The following SLC2A13 variants were observed in gnomAD, a reference collection of about 807,000 sequenced individuals.
SLC2A13 encodes the protein solute carrier family 2 member 13.
A neutral mutation model predicts 64.4 loss-of-function variants in SLC2A13; 32 were observed. The ratio of observed to expected loss-of-function variants is 0.50; its 90% CI spans 0.37 to 0.67. SLC2A13 has a LOEUF of 0.67. Ranked by LOEUF, SLC2A13 falls within the 30% of genes least tolerant of loss-of-function variation. The pLI is 0.00. For synonymous variants in SLC2A13, 338 were observed against 327.1 expected, an observed-to-expected ratio of 1.03 and a Z score of -0.36; for missense variants, 743 against 829.2, an observed-to-expected ratio of 0.90 and a Z score of 1.28.
intron 4 of SLC2A13, among the ~76,000 whole-genome samples, chr12:39,899,427 A>C (rs2136011395): frequency 6.6e-6 from 1 of 152,198 alleles, no homozygotes; most frequent in Middle Eastern, 3.4e-3. Flanking sequence ...CTTTCAAAAA[A>C]CCAGCTCCTG....
intron 6 of SLC2A13, among the ~76,000 whole-genome samples, chr12:39,849,238 T>C (rs1175974888): frequency 6.6e-6 from 1 of 152,050 alleles, no homozygotes; most frequent in Non-Finnish European, 1.5e-5. Context: ...AGTATCTGTA[T>C]ATATATGATT....
intron 1 of SLC2A13, among the ~76,000 whole-genome samples, chr12:40,075,287 A>G (rs1250046835): frequency 6.6e-6 from 1 of 152,106 alleles, no homozygotes; most frequent in Non-Finnish European, 1.5e-5. Flanking sequence ...ATCTCTAGCA[A>G]TTTGTCAACT....
intron 3 of SLC2A13, among the ~76,000 whole-genome samples, chr12:40,001,852 T>C (rs1282386682): frequency 6.6e-6 from 1 of 152,256 alleles, no homozygotes; most frequent in Non-Finnish European, 1.5e-5. Flanking sequence ...AATGAAAATT[T>C]TAGAAGCAGC....
intron 4 of SLC2A13, among the ~76,000 whole-genome samples, chr12:39,878,655 T>A (rs11174104): frequency 0.3 from 45,916 of 152,142 alleles, 7,535 homozygotes; most frequent in South Asian, 0.37. Flanking sequence ...AGAAAAGGAA[T>A]TACTTAAAGT....
intron 3 of SLC2A13, among the ~76,000 whole-genome samples, chr12:40,000,424 T>G (rs1947304274): frequency 6.6e-6 from 1 of 152,198 alleles, no homozygotes; most frequent in African/African-American, 2.4e-5. Flanking sequence ...ATCAGGTCTT[T>G]TAAGGTGCTT....
In SLC2A13 at chr12:39,888,372, A is replaced by G. The variant is rs1206019520; in HGVS notation, c.1035-16411T>C. 3.3e-5 allele frequency among the ~76,000 whole-genome samples: 5 copies of G among 152,142 alleles called. No individual in the cohort carries two copies. In the East Asian group the frequency reaches 9.6e-4, roughly 29 times the overall value. On this transcript the variant is annotated intron_variant, in intron 4 of 9. Coordinates refer to ENST00000280871, the MANE Select transcript of SLC2A13 (RefSeq NM_052885.4). Reference sequence around the variant, plus strand: ...CCCGAGCAGCTGGGACTACAGGTGCATGGCACCACACCCAGCTAATTTTTG... The same window carrying G: ...CCCGAGCAGCTGGGACTACAGGTGCGTGGCACCACACCCAGCTAATTTTTG...
intron 4 of SLC2A13, among the ~76,000 whole-genome samples, chr12:39,873,274 A>T (rs1476075028): frequency 6.6e-6 from 1 of 152,216 alleles, no homozygotes; most frequent in African/African-American, 2.4e-5. Context: ...AAAAAGAGAA[A>T]TTCCCAGTGG....
intron 2 of SLC2A13, 69 bp from the exon 3 acceptor site, chr12:40,028,578 T>C: frequency 2.7e-6 from 4 of 1,460,204 alleles, no homozygotes; most frequent in Non-Finnish European, 3.8e-6. Flanking sequence ...CCACATACTT[T>C]TGTGTTGTGT....
At chr12:40,085,216 TTATC>T (rs1333010980) in intron 1 of SLC2A13, among the ~76,000 whole-genome samples, 2 of 152,182 alleles carry the variant, frequency 1.3e-5, no homozygotes, top group African/African-American at 4.8e-5. Context: ...ATGTATCTCT[TTATC>T]TGTTTGTATC....
intron 6 of SLC2A13, among the ~76,000 whole-genome samples, chr12:39,846,956 C>T (rs1592199826): frequency 6.6e-6 from 1 of 152,268 alleles, no homozygotes; most frequent in East Asian, 1.9e-4. Flanking sequence ...TCAGATCACT[C>T]ATTTTGAACA....
At chr12:39,906,759 G>C (rs1361934693) in intron 4 of SLC2A13, among the ~76,000 whole-genome samples, 2 of 152,016 alleles carry the variant, frequency 1.3e-5, no homozygotes, top group African/African-American at 4.8e-5. Flanking sequence ...AAATGTGGGG[G>C]ATTCATAGGT....
At chr12:39,879,972 T>C (rs1944299084) in intron 4 of SLC2A13, among the ~76,000 whole-genome samples, 2 of 152,064 alleles carry the variant, frequency 1.3e-5, no homozygotes, top group South Asian at 4.2e-4. Context: ...CCTTCATGGT[T>C]TGGTCCTGTC....
intron 1 of SLC2A13, among the ~76,000 whole-genome samples, chr12:40,099,437 C>G (rs1939073850): frequency 6.6e-6 from 1 of 152,184 alleles, no homozygotes; most frequent in African/African-American, 2.4e-5. Context: ...CTTGCTATTT[C>G]AGTTCTCTTA....
chr12:39,953,006 A>G (rs1393090287), intron 3 of SLC2A13, among the ~76,000 whole-genome samples: 6 of 152,032 alleles, frequency 3.9e-5, no homozygotes, highest in Admixed American at 6.6e-5. Flanking sequence ...TTTTAAAAAA[A>G]GACAACAAAA....
At chr12:39,786,943 A>C (rs1216680077) in intron 7 of SLC2A13, among the ~76,000 whole-genome samples, 1 of 152,158 alleles carries the variant, frequency 6.6e-6, no homozygotes, top group African/African-American at 2.4e-5. Flanking sequence ...AGGACTTTTT[A>C]CATGAATCTA....
At chr12:40,031,296 CACTG>C (rs1947900192) in intron 2 of SLC2A13, among the ~76,000 whole-genome samples, 1 of 149,832 alleles carries the variant, frequency 6.7e-6, no homozygotes, top group African/African-American at 2.5e-5. Context: ...GATCTCGGCT[CACTG>C]CAACCTCCGC....
At chr12:40,084,871 A>T (rs1384852138) in intron 1 of SLC2A13, among the ~76,000 whole-genome samples, 1 of 152,008 alleles carries the variant, frequency 6.6e-6, no homozygotes, top group Non-Finnish European at 1.5e-5. Flanking sequence ...GATGACTGGT[A>T]GCCCCTAGGC....
chr12:40,013,178 TAA>T (rs35009538), intron 3 of SLC2A13, among the ~76,000 whole-genome samples: 11 of 145,492 alleles, frequency 7.6e-5, no homozygotes, highest in Admixed American at 6.9e-5. Context: ...CAAAATGATT[TAA>T]AAAAAAAAAA....
chr12:39,951,220 C>T (rs1341127828), intron 4 of SLC2A13, 37 bp downstream of exon 4: 16 of 1,547,950 alleles, frequency 1.0e-5, no homozygotes, highest in African/African-American at 2.7e-5. Flanking sequence ...AATCCTTTCA[C>T]AATCTTTTCA....
Sources: gnomAD v4.1 joint callset for allele counts (sites outside exome capture counted in the v4.1 genomes callset) on GRCh38, gnomAD v4.1.1 for gene constraint, MANE v1.5 for transcripts, NCBI Gene and HGNC (gene_info 2026-07-23, HGNC 2026-07-21) for gene names.